Variants in ADAMTS17 observed in about 807,000 individuals in gnomAD.
ADAMTS17 encodes ADAM metallopeptidase with thrombospondin type 1 motif 17.
A neutral mutation model predicts 141.5 loss-of-function variants in ADAMTS17; 113 were observed. The observed-to-expected ratio is 0.80, with a 90% CI of 0.69 to 0.93. The LOEUF is 0.93. ADAMTS17 is among the 40% of genes least tolerant of loss of function. The probability of loss-of-function intolerance (pLI) is 0.00; values close to 1 mark genes in which losing one functional copy is unlikely to be tolerated. For synonymous variants in ADAMTS17, 768 were observed against 630.6 expected (o/e 1.22, Z -3.27); for missense variants, 1,659 against 1,517.9 (o/e 1.09, Z -1.54).
At chr15:100,095,589 T>TG (rs948759101) in intron 15 of ADAMTS17, among the ~76,000 whole-genome samples, 7 of 152,120 alleles carry the variant, frequency 4.6e-5, no homozygotes, top group Non-Finnish European at 7.4e-5. Context: ...CTCCTGGTGA[T>TG]GGGGGGTGAG....
intron 7 of ADAMTS17, among the ~76,000 whole-genome samples, chr15:100,201,695 G>A (rs2041339699): frequency 6.6e-6 from 1 of 152,136 alleles, no homozygotes; most frequent in South Asian, 2.1e-4. Flanking sequence ...CAAATTAAAT[G>A]TTATTTTGCC....
intron 20 of ADAMTS17, chr15:99,976,459 G>A: frequency 1.6e-6 from 1 of 623,608 alleles, no homozygotes; most frequent in Non-Finnish European, 2.9e-6. Context: ...CCTGGGCTGG[G>A]CACTGTGTGT....
chr15:100,274,594 T>C (rs1479706128), intron 4 of ADAMTS17, among the ~76,000 whole-genome samples: 1 of 152,158 alleles, frequency 6.6e-6, no homozygotes, highest in African/African-American at 2.4e-5. Flanking sequence ...TATAGTTGGA[T>C]CTATGATTTA....
At chr15:100,098,363 G>T (rs1269547084) in intron 14 of ADAMTS17, among the ~76,000 whole-genome samples, 1 of 152,046 alleles carries the variant, frequency 6.6e-6, no homozygotes, top group Non-Finnish European at 1.5e-5. Flanking sequence ...AGATTACAGG[G>T]GCTGGCCCGG....
intron 3 of ADAMTS17, among the ~76,000 whole-genome samples, chr15:100,303,470 C>T (rs1298548759): frequency 6.6e-6 from 1 of 151,480 alleles, no homozygotes; most frequent in Admixed American, 6.6e-5. Flanking sequence ...TTCATGAGGT[C>T]CAATTTATCT....
At chr15:100,106,240 T>A (rs1232003860) in intron 14 of ADAMTS17, among the ~76,000 whole-genome samples, 1 of 152,170 alleles carries the variant, frequency 6.6e-6, no homozygotes, top group African/African-American at 2.4e-5. Context: ...CCAGAACCCA[T>A]CTATGCCAGC....
chr15:100,204,919 T>A (rs1317266365), intron 7 of ADAMTS17, among the ~76,000 whole-genome samples: 3 of 152,158 alleles, frequency 2.0e-5, no homozygotes, highest in African/African-American at 4.8e-5. Context: ...CCTTGGCAAT[T>A]ATGGTTTTCT....
chr15:99,991,614 C>T (rs1172970990), intron 20 of ADAMTS17, among the ~76,000 whole-genome samples: 8 of 152,286 alleles, frequency 5.3e-5, no homozygotes, highest in South Asian at 2.1e-4. Context: ...GACAGTGTGG[C>T]GATTCCTCAA....
At chr15:100,162,443 TATAGTTATA>T (rs1567284417) in intron 8 of ADAMTS17, among the ~76,000 whole-genome samples, 1 of 132,022 alleles carries the variant, frequency 7.6e-6, no homozygotes, top group African/African-American at 2.9e-5. Context: ...TATATACACA[TATAGTTATA>T]TATATGCACA....
intron 3 of ADAMTS17, among the ~76,000 whole-genome samples, chr15:100,296,330 C>T (rs76238817): frequency 0.057 from 8,628 of 152,120 alleles, 303 homozygotes; most frequent in Middle Eastern, 0.085. Flanking sequence ...GAAATGATGG[C>T]TCCACATGTG....
chr15:100,025,712 T>C (rs1279678980), intron 18 of ADAMTS17, among the ~76,000 whole-genome samples: 1 of 152,160 alleles, frequency 6.6e-6, no homozygotes, highest in Non-Finnish European at 1.5e-5. Flanking sequence ...CCACGCCTTT[T>C]CTTTCAGAAA....
intron 7 of ADAMTS17, among the ~76,000 whole-genome samples, chr15:100,209,131 A>AAAAAAAAAAAAAAGG (rs1555483240): frequency 7.5e-6 from 1 of 133,104 alleles, no homozygotes. Flanking sequence ...AAAAAAAAAA[A>AAAAAAAAAAAAAAGG]AAGGAAGAAA....
At chr15:100,246,782 AC>A (rs1189123224) in intron 7 of ADAMTS17, among the ~76,000 whole-genome samples, 2 of 152,144 alleles carry the variant, frequency 1.3e-5, no homozygotes, top group Admixed American at 1.3e-4. Flanking sequence ...GCATTTTGCT[AC>A]AGGCTAGTGA....
intron 3 of ADAMTS17, among the ~76,000 whole-genome samples, chr15:100,314,917 G>A (rs1028437876): frequency 1.3e-5 from 2 of 152,220 alleles, no homozygotes; most frequent in African/African-American, 4.8e-5. Flanking sequence ...GGAAGAAGGT[G>A]CAGAAGAGGA....
rs111993599 is a variant in ADAMTS17 at position 100,016,392 on chromosome 15, C to T, written c.2592-18803G>A. Among the ~76,000 whole-genome samples, 183 of 152,206 alleles carry T rather than the reference C, an allele frequency of 1.2e-3. 3 individuals are homozygous for T. Among genetic ancestry groups the T allele is most frequent in the African/African-American group, 4.1e-3 (169 of 41,524 alleles). ...TCAGAGATTTCATCTTGGTTTGGATCCATTGCTGGTGAACAAGTGTGAGTT... is the reference window on the plus strand; with the variant it reads ...TCAGAGATTTCATCTTGGTTTGGATTCATTGCTGGTGAACAAGTGTGAGTT... On this transcript the variant is annotated intron_variant, in intron 18 of 21. Coordinates refer to ENST00000268070, the MANE Select transcript of ADAMTS17 (RefSeq NM_139057.4).
intron 19 of ADAMTS17, among the ~76,000 whole-genome samples, chr15:99,996,828 G>C (rs1025450634): frequency 5.9e-5 from 9 of 151,996 alleles, no homozygotes; most frequent in Middle Eastern, 3.4e-3. Context: ...CAAAGTCAAT[G>C]CAAAGCCCTG....
intron 7 of ADAMTS17, among the ~76,000 whole-genome samples, chr15:100,222,262 GCAGA>G (rs758064466): frequency 6.6e-6 from 1 of 152,196 alleles, no homozygotes; most frequent in African/African-American, 2.4e-5. Context: ...GCCGCTTCAT[GCAGA>G]CAGTTCTCTG....
chr15:100,113,618 G>A lies in ADAMTS17; in HGVS notation c.1888+3229C>T, dbSNP rs182868621. On this transcript the variant is annotated intron_variant, in intron 13 of 21. Coordinates refer to ENST00000268070, the MANE Select transcript of ADAMTS17 (RefSeq NM_139057.4). ...ACCCTACCAGCTTCCACACGGACAAGTTCTGAGAAAGCCAGTCTGCAGTGG... is the reference window on the plus strand; with the variant it reads ...ACCCTACCAGCTTCCACACGGACAAATTCTGAGAAAGCCAGTCTGCAGTGG... 1.8e-4 allele frequency among the ~76,000 whole-genome samples: 27 copies of A among 152,364 alleles called. 2 individuals carry two copies. The East Asian group carries it at 5.2e-3, about 29-fold the overall frequency.
chr15:99,999,163 A>T (rs947618081), intron 18 of ADAMTS17, among the ~76,000 whole-genome samples: 3 of 152,182 alleles, frequency 2.0e-5, no homozygotes, highest in Non-Finnish European at 4.4e-5. Flanking sequence ...CTAGGTTCTG[A>T]TGAGGAAGCA....
Sources: gnomAD v4.1 joint callset for allele counts (sites outside exome capture counted in the v4.1 genomes callset) on GRCh38, gnomAD v4.1.1 for gene constraint, MANE v1.5 for transcripts, NCBI Gene and HGNC (gene_info 2026-07-23, HGNC 2026-07-21) for gene names.